ITGAV: variants seen among roughly 807,000 people sequenced by gnomAD.
The protein encoded by ITGAV is integrin alpha-V.
ITGAV carries 76 observed loss-of-function variants against 143.8 expected under a neutral mutation model. The ratio of observed to expected loss-of-function variants is 0.53; its 90% CI spans 0.44 to 0.64. The LOEUF (loss-of-function observed/expected upper bound fraction) is 0.64. ITGAV is among the 30% of genes least tolerant of loss of function. The pLI is 0.00. For missense variants in ITGAV, 1,193 were observed against 1,274.7 expected (o/e 0.94, Z 0.98); for synonymous variants, 453 against 446.7 (o/e 1.01, Z -0.18).
intron 4 of ITGAV, among the ~76,000 whole-genome samples, chr2:186,626,238 A>G (rs1486574478): frequency 3.3e-5 from 5 of 152,134 alleles, no homozygotes; most frequent in African/African-American, 9.7e-5. Flanking sequence ...TGAAATTTCA[A>G]AAGGAATTAA....
intron 10 of ITGAV, among the ~76,000 whole-genome samples, chr2:186,638,903 T>C (rs1688026078): frequency 6.6e-6 from 1 of 151,080 alleles, no homozygotes. Context: ...TTTCCTTTTT[T>C]TTTTTTTTTT....
At position 186,679,567 on chromosome 2, in the gene ITGAV, A is replaced by T. The variant is rs966919298; in HGVS notation, c.*2275A>T. On this transcript the variant is annotated 3_prime_UTR_variant, in exon 30 of 30. Transcript: ENST00000261023. ...TTTAAATCTCTAAAACATTTGAAAT[A>T]CTACCATATTTGTGATTTATTGAGA... 1.3e-5 allele frequency: 2 copies of T among 151,962 alleles called. No individual in the cohort carries two copies. The highest frequency in any genetic ancestry group is 4.8e-5 in the African/African-American group (2 of 41,438). 9.4% of individuals were successfully genotyped at this position (151,962 alleles called of 1,614,324 possible).
At chr2:186,665,355 AT>A (rs1473663513) in intron 21 of ITGAV, 137 bp downstream of exon 21, 54 of 621,838 alleles carry the variant, frequency 8.7e-5, no homozygotes, top group Admixed American at 8.1e-4. Context: ...TAGTTAAATG[AT>A]TAGCAGAGTT....
intron 5 of ITGAV, 76 bp from the exon 6 acceptor site, chr2:186,633,253 T>A: frequency 1.2e-6 from 1 of 849,710 alleles, no homozygotes; most frequent in Non-Finnish European, 1.9e-6. Context: ...ATATATCTTA[T>A]GTTTTTCATT....
In ITGAV at chr2:186,678,766, G is replaced by T. The variant is rs201782524; in HGVS notation, c.*1474G>T. ...TTACATCATGTTGTACATTAGAAAT[G>T]GAGAGTTTAATAGCTCTTTAACTGC... is the stretch of plus-strand genomic sequence containing the variant. On this transcript the variant is annotated 3_prime_UTR_variant, in exon 30 of 30. Transcript: ENST00000261023. 99 of 455,478 alleles carry T rather than the reference G, an allele frequency of 2.2e-4. No homozygotes were observed. Among genetic ancestry groups the T allele is most frequent in the African/African-American group, 1.8e-3 (90 of 50,132 alleles). 28.2% of individuals were successfully genotyped at this position (455,478 alleles called of 1,614,324 possible). A position where few individuals can be genotyped will look rare whatever the true frequency, so the allele number is the denominator to read the frequency against.
In ITGAV at chr2:186,630,362, T is replaced by TA. The variant is rs935131259; in HGVS notation, c.524-423dup. On this transcript the variant is annotated intron_variant, in intron 4 of 29. Transcript: ENST00000261023. ...TGGGTCAAAACCACTATAGTTTTTC[T>TA]AAAAAAAAAAAAGAATGAAATAAAA... Among the ~76,000 whole-genome samples the TA allele has an allele frequency of 8.1e-4, 114 of 140,644 alleles. 1 individual carries two copies. The highest frequency in any genetic ancestry group is 7.2e-3 in the Middle Eastern group (2 of 276). The allele number at this position is 140,644 out of a possible 152,430, so 92.3% of individuals were successfully genotyped here.
At chr2:186,665,970 T>C (rs1688886605) in intron 21 of ITGAV, among the ~76,000 whole-genome samples, 1 of 152,212 alleles carries the variant, frequency 6.6e-6, no homozygotes, top group African/African-American at 2.4e-5. Flanking sequence ...TTTTCACGTG[T>C]ATTCAATGTT....
Position 186,667,157 on chromosome 2 carries a change from C to A in ITGAV, c.2254C>A (p.Leu752Ile). ...TTTTTTTTTCTTTTTCAGCTCAAATCTATTTGACAAAGTAAGCCCAGTTGT... is the reference window on the plus strand; with the variant it reads ...TTTTTTTTTCTTTTTCAGCTCAAATATATTTGACAAAGTAAGCCCAGTTGT... ...KFDLQIQSSN[L>I]FDKVSPVVSH... Residue 752 changes from leucine to isoleucine, a missense_variant, in exon 23 of 30, where the codon CTA becomes ATA. Leu to Ile is a conservative substitution (Grantham distance 5). Coordinates refer to ENST00000261023, the MANE Select transcript of ITGAV (RefSeq NM_002210.5). 1 of 1,601,266 alleles carries A rather than the reference C, an allele frequency of 6.2e-7. No homozygotes were observed. Among genetic ancestry groups the A allele is most frequent in the Non-Finnish European group, 8.5e-7 (1 of 1,173,368 alleles).
intron 13 of ITGAV, among the ~76,000 whole-genome samples, chr2:186,649,001 TAC>T (rs372602309): frequency 9.8e-3 from 75 of 7,640 alleles, no homozygotes; most frequent in African/African-American, 0.017. Flanking sequence ...TGTATATATA[TAC>T]ACATTTGTGT....
chr2:186,659,592 A>G (rs1273063669), intron 18 of ITGAV, among the ~76,000 whole-genome samples: 1 of 151,980 alleles, frequency 6.6e-6, no homozygotes, highest in Non-Finnish European at 1.5e-5. Flanking sequence ...AAGCAACAAA[A>G]TTTGATAGGT....
chr2:186,638,979 AAG>A (rs1230988448), intron 10 of ITGAV, among the ~76,000 whole-genome samples: 2 of 151,822 alleles, frequency 1.3e-5, no homozygotes, highest in African/African-American at 4.8e-5. Context: ...GAAAAGAAAA[AAG>A]AGAAAAGAAT....
Position 186,637,071 on chromosome 2 carries a change from C to A in ITGAV, c.764C>A (p.Ser255Tyr). Residue 255 changes from serine (S) to tyrosine (Y), a missense_variant, in exon 8 of 30, where the codon TCT (serine) becomes TAT (tyrosine). Physicochemically the swap from Ser to Tyr is moderately radical, Grantham distance 144. Coordinates refer to ENST00000261023, the MANE Select transcript of ITGAV (RefSeq NM_002210.5). ...AIFDDSYLGY[S>Y]VAVGDFNGDG... ...CCTTTGGTTTCCTGTTTAGGTTATTCTGTGGCTGTCGGAGATTTCAATGGT... is the reference window on the plus strand; with the variant it reads ...CCTTTGGTTTCCTGTTTAGGTTATTATGTGGCTGTCGGAGATTTCAATGGT... 1 of 1,613,410 alleles carries A rather than the reference C, an allele frequency of 6.2e-7. No homozygotes were observed. The highest frequency in any genetic ancestry group is 8.5e-7 in the Non-Finnish European group (1 of 1,179,412).
rs772091482 is a variant in ITGAV, at chr2:186,640,975, TA to T, written c.956+17del. 822 of 1,557,594 alleles carry T rather than the reference TA, an allele frequency of 5.3e-4. No homozygotes were observed. The highest frequency in any genetic ancestry group is 8.3e-4 in the Admixed American group (47 of 56,782). ...TGACATTAATGGAGATGAGTAAGTTTAAAAAAAAATGTTTCCAGAAAGTTAT... is the reference window on the plus strand; with the variant it reads ...TGACATTAATGGAGATGAGTAAGTTTAAAAAAAATGTTTCCAGAAAGTTAT... On this transcript the variant is annotated intron_variant, in intron 11 of 29. Coordinates refer to ENST00000261023, the MANE Select transcript of ITGAV (RefSeq NM_002210.5).
At chr2:186,662,611 A>T (rs545136801) in intron 18 of ITGAV, among the ~76,000 whole-genome samples, 29 of 152,324 alleles carry the variant, frequency 1.9e-4, no homozygotes, top group Middle Eastern at 6.8e-3. Context: ...ATGAATTGTA[A>T]ATGCAAAGAA....
At chr2:186,639,091 A>T (rs1342194743) in intron 10 of ITGAV, among the ~76,000 whole-genome samples, 1 of 152,120 alleles carries the variant, frequency 6.6e-6, no homozygotes, top group South Asian at 2.1e-4. Flanking sequence ...TTATAAGCGA[A>T]CTTCATTTTT....
At chr2:186,628,874 A>G (rs763845852) in intron 4 of ITGAV, among the ~76,000 whole-genome samples, 42 of 152,206 alleles carry the variant, frequency 2.8e-4, no homozygotes, top group South Asian at 1.9e-3. Context: ...GTGTAGTGTT[A>G]TAGACACACC....
chr2:186,670,689 G>C (rs913184181), intron 26 of ITGAV, among the ~76,000 whole-genome samples: 7 of 152,128 alleles, frequency 4.6e-5, no homozygotes, highest in African/African-American at 1.7e-4. Flanking sequence ...ATTGCCTAGT[G>C]GCTTTGGTTC....
At chr2:186,605,732 G>C (rs990346220) in intron 2 of ITGAV, among the ~76,000 whole-genome samples, 3 of 127,128 alleles carry the variant, frequency 2.4e-5, no homozygotes, top group Non-Finnish European at 4.8e-5. Context: ...TTTAGTGGTT[G>C]TAGATGTGTA....
chr2:186,651,714 T>C (rs1223622131), intron 14 of ITGAV, among the ~76,000 whole-genome samples: 1 of 152,206 alleles, frequency 6.6e-6, no homozygotes, highest in East Asian at 1.9e-4. Context: ...AGTGACTGAA[T>C]TCATATAGGC....
Sources: allele counts gnomAD v4.1 joint callset (sites outside exome capture counted in the v4.1 genomes callset), GRCh38; gene constraint gnomAD v4.1.1; transcripts MANE v1.5; gene names NCBI Gene and HGNC (gene_info 2026-07-23, HGNC 2026-07-21).